The following GTPBP1 variants were observed in gnomAD, a reference collection of about 807,000 sequenced individuals.
GTPBP1 encodes GTP-binding protein 1.
In GTPBP1, 23 loss-of-function variants were observed where a neutral mutation model predicts 62.0. That is an observed-to-expected ratio of 0.37 (90% CI 0.27 to 0.53). The LOEUF (loss-of-function observed/expected upper bound fraction) is 0.53. GTPBP1 is among the 20% of genes least tolerant of loss of function. The pLI is 0.89. For synonymous variants in GTPBP1, 344 were observed against 364.4 expected (o/e 0.94, Z 0.64); for missense variants, 640 against 917.3 (o/e 0.70, Z 3.90).
Position 38,716,011 on chromosome 22 carries a change from C to T in GTPBP1, c.409C>T (p.Arg137Trp), listed in dbSNP as rs2092668016. 3 of 1,614,048 alleles carry T rather than the reference C, an allele frequency of 1.9e-6. No homozygotes were observed. Among genetic ancestry groups the T allele is most frequent in the Non-Finnish European group, 2.5e-6 (3 of 1,179,960 alleles). ...IEADVILLRE[R>W]QEAGGRVRDY... is the part of the protein sequence containing the mutation. ...GGCCGATGTCATCCTTCTGCGGGAA[C>T]GGCAAGAAGCTGGGGGCCGCGTGCG... Residue 137 changes from arginine to tryptophan, a missense_variant, in exon 3 of 12, where the codon CGG becomes TGG. This residue lies in a region of GTPBP1 where 215 missense variants were observed against 235.1 expected (regional missense o/e 0.91). Coordinates refer to ENST00000216044, the MANE Select transcript of GTPBP1 (RefSeq NM_004286.5). The surrounding 1 kb of genome is among the most constrained non-coding windows in gnomAD (Gnocchi z 5.2).
downstream of GTPBP1, chr22:38,738,812 C>G: frequency 6.3e-6 from 10 of 1,599,130 alleles, no homozygotes; most frequent in Non-Finnish European, 8.5e-6. The surrounding 1 kb of genome is among the most constrained non-coding windows in gnomAD (Gnocchi z 6.6). Flanking sequence ...TTGCTGACCC[C>G]AGATGGGACC....
At chr22:38,740,014 G>T, downstream of GTPBP1, 1 of 1,520,486 alleles carries the variant, frequency 6.6e-7, no homozygotes, top group South Asian at 1.2e-5. This position sits in a 1 kb window ranked among gnomAD's most constrained non-coding sequence, Gnocchi z 4.8. Flanking sequence ...GACAGGGCTA[G>T]TGCTTAGCTG....
intron 4 of GTPBP1, among the ~76,000 whole-genome samples, chr22:38,719,669 A>G (rs560554719): frequency 5.8e-4 from 88 of 151,144 alleles, no homozygotes; most frequent in Admixed American, 2.2e-3. Context: ...AATAGTGGAC[A>G]TGTCTTCATC....
intron 4 of GTPBP1, 50 bp downstream of exon 4, chr22:38,717,050 G>A: frequency 8.9e-7 from 1 of 1,125,490 alleles, no homozygotes; most frequent in Non-Finnish European, 1.3e-6. Context: ...GGCTGCTTGG[G>A]TCTGGTTATG....
chr22:38,709,775 G>C (rs1272890354), intron 2 of GTPBP1, among the ~76,000 whole-genome samples: 5 of 152,216 alleles, frequency 3.3e-5, no homozygotes, highest in Non-Finnish European at 7.3e-5. Flanking sequence ...AGTCTGGATA[G>C]CTGGGATAAC....
chr22:38,712,782 A>G (rs2092647320), intron 2 of GTPBP1, among the ~76,000 whole-genome samples: 1 of 152,142 alleles, frequency 6.6e-6, no homozygotes, highest in East Asian at 1.9e-4. Flanking sequence ...GGGAGGTTGA[A>G]TAGAATTTAG....
rs397836314 is a variant in GTPBP1 at position 38,731,010 on chromosome 22, T to TTGTGTGTGTGTGTGTG, written c.*331_*346dup. On this transcript the variant is annotated 3_prime_UTR_variant, in exon 12 of 12. Transcript: ENST00000216044. ...TATTATATGTCTCTGTCTCTCTCTA[T>TTGTGTGTGTGTGTGTG]TGTGTGTGTGTGTGTGTGTGTGTGT... The TTGTGTGTGTGTGTGTG allele has an allele frequency of 7.6e-4, 140 of 183,756 alleles. 2 individuals are homozygous for TTGTGTGTGTGTGTGTG. The highest frequency in any genetic ancestry group is 2.2e-3 in the Middle Eastern group (1 of 450). 11.4% of individuals were successfully genotyped at this position (183,756 alleles called of 1,614,324 possible).
Position 38,730,541 on chromosome 22 carries a change from C to T in GTPBP1, c.1918-71C>T. 9.5e-7 allele frequency: 1 copy of T among 1,055,132 alleles called. No individual in the cohort carries two copies. The highest frequency in any genetic ancestry group is 2.4e-5 in the East Asian group (1 of 42,184). 65.4% of individuals were successfully genotyped at this position (1,055,132 alleles called of 1,614,324 possible). A position where few individuals can be genotyped will look rare whatever the true frequency, so the allele number is the denominator to read the frequency against. On this transcript the variant is annotated intron_variant, in intron 11 of 11. Transcript: ENST00000216044. The surrounding 1 kb of genome is among the most constrained non-coding windows in gnomAD (Gnocchi z 5.6). ...ATCTTCCGTCCCTGTCTCCCCGCTG[C>T]TCAGCACCTCTGCTCTCTGGCCCTG... is the stretch of plus-strand genomic sequence containing the variant.
chr22:38,731,342 C>T lies in GTPBP1; in HGVS notation c.*638C>T, dbSNP rs1386701533. ...AAGTAGTGGCTTCCCTTTTCTCTCT[C>T]TCCTCCTTTTTCCCTTTAAGCCCAC... is the stretch of plus-strand genomic sequence containing the variant. On this transcript the variant is annotated 3_prime_UTR_variant, in exon 12 of 12. Transcript: ENST00000216044. 1 of 152,424 alleles carries T rather than the reference C, an allele frequency of 6.6e-6. No homozygotes were observed. Among genetic ancestry groups the T allele is most frequent in the Non-Finnish European group, 1.5e-5 (1 of 68,186 alleles). The allele number at this position is 152,424 out of a possible 1,614,324, so 9.4% of individuals were successfully genotyped here. A position where few individuals can be genotyped will look rare whatever the true frequency, so the allele number is the denominator to read the frequency against.
downstream of GTPBP1, chr22:38,735,224 G>A (rs1285170519): frequency 2.2e-6 from 1 of 455,952 alleles, no homozygotes; most frequent in East Asian, 7.0e-5. Flanking sequence ...GCCCCACAGA[G>A]AACAAACCAG....
downstream of GTPBP1, chr22:38,734,830 A>C (rs148581450): frequency 1.5e-3 from 277 of 185,382 alleles, 1 homozygote; most frequent in African/African-American, 6.4e-3. Flanking sequence ...AGGAGAGCGC[A>C]AAACAAACCC....
In GTPBP1 at chr22:38,730,546, C is replaced by A; in HGVS notation, c.1918-66C>A. On this transcript the variant is annotated intron_variant, in intron 11 of 11. Transcript: ENST00000216044. This position sits in a 1 kb window ranked among gnomAD's most constrained non-coding sequence, Gnocchi z 5.6. ...CCGTCCCTGTCTCCCCGCTGCTCAG[C>A]ACCTCTGCTCTCTGGCCCTGCTCCT... 9.2e-7 allele frequency: 1 copy of A among 1,084,580 alleles called. No individual in the cohort carries two copies. The highest frequency in any genetic ancestry group is 1.4e-6 in the Non-Finnish European group (1 of 710,994). 67.2% of individuals were successfully genotyped at this position (1,084,580 alleles called of 1,614,324 possible).
chr22:38,741,429 G>A (rs186986786), downstream of GTPBP1: 7 of 1,517,684 alleles, frequency 4.6e-6, no homozygotes, highest in South Asian at 5.6e-5. Flanking sequence ...CGAGGGGTCC[G>A]AGGTGAACAT....
chr22:38,741,290 G>A (rs73884512), downstream of GTPBP1, among the ~76,000 whole-genome samples: 7,213 of 152,194 alleles, frequency 0.047, 593 homozygotes, highest in African/African-American at 0.17. Context: ...ATGACAGGCC[G>A]CTGTGCCCTG....
downstream of GTPBP1, chr22:38,735,149 C>T (rs1403229849): frequency 2.4e-6 from 1 of 423,508 alleles, no homozygotes; most frequent in Non-Finnish European, 4.7e-6. Context: ...CTCTAAAAGT[C>T]CCCTCCTCCC....
intron 5 of GTPBP1, chr22:38,723,368 G>T: frequency 1.2e-6 from 1 of 851,940 alleles, no homozygotes. Flanking sequence ...ACTGGAACCA[G>T]ACCATAATAT....
chr22:38,740,390 C>T (rs1408843622), downstream of GTPBP1: 18 of 1,573,446 alleles, frequency 1.1e-5, no homozygotes, highest in Admixed American at 3.3e-4. This position sits in a 1 kb window ranked among gnomAD's most constrained non-coding sequence, Gnocchi z 4.8. Flanking sequence ...CCAGCCGCCT[C>T]AGCTCCTTCA....
At chr22:38,713,430 GTC>G (rs2092651384) in intron 2 of GTPBP1, among the ~76,000 whole-genome samples, 1 of 152,200 alleles carries the variant, frequency 6.6e-6, no homozygotes, top group Non-Finnish European at 1.5e-5. Flanking sequence ...AAAGTTAAGA[GTC>G]TGTTGTGGTG....
At chr22:38,740,998 G>C (rs778700058), downstream of GTPBP1, 1 of 1,589,226 alleles carries the variant, frequency 6.3e-7, no homozygotes, top group East Asian at 2.3e-5. This position sits in a 1 kb window ranked among gnomAD's most constrained non-coding sequence, Gnocchi z 4.8. Flanking sequence ...AGCTGGTGGC[G>C]CCCAGTACCT....
Sources: allele counts gnomAD v4.1 joint callset (sites outside exome capture counted in the v4.1 genomes callset), GRCh38; gene constraint gnomAD v4.1.1; regional missense constraint gnomAD v4.1.1; non-coding constraint Gnocchi (gnomAD v3.1); transcripts MANE v1.5; gene names NCBI Gene and HGNC (gene_info 2026-07-23, HGNC 2026-07-21).